NCALD: variants seen among roughly 807,000 people sequenced by gnomAD.
The protein encoded by NCALD is neurocalcin-delta.
A neutral mutation model predicts 18.6 loss-of-function variants in NCALD; 10 were observed. That is an observed-to-expected ratio of 0.54 (90% CI 0.33 to 0.91). The LOEUF (loss-of-function observed/expected upper bound fraction) is 0.91. Ranked by LOEUF, NCALD falls within the 40% of genes least tolerant of loss-of-function variation. The probability of loss-of-function intolerance (pLI) is 0.03; values close to 1 mark genes in which losing one functional copy is unlikely to be tolerated. For synonymous variants in NCALD, 88 were observed against 87.4 expected (o/e 1.01, Z -0.04); for missense variants, 184 against 247.6 (o/e 0.74, Z 1.72).
rs1049736193 is a variant in NCALD at position 101,902,326 on chromosome 8, A to G, written c.-107+13483T>C. 2.0e-4 allele frequency among the ~76,000 whole-genome samples: 30 copies of G among 151,684 alleles called. 1 individual carries two copies. Among genetic ancestry groups the G allele is most frequent in the Admixed American group, 1.8e-3 (27 of 15,248 alleles). Reference sequence around the variant, plus strand: ...TTCCTAGAAATTGGAAAAAATAATGAAGTAAGAAAAGAATGCAAAAAGGAA... The same window carrying G: ...TTCCTAGAAATTGGAAAAAATAATGGAGTAAGAAAAGAATGCAAAAAGGAA... On this transcript the variant is annotated intron_variant, in intron 3 of 6. Transcript: ENST00000311028.
At chr8:101,871,991 T>C in intron 4 of NCALD, 2 of 853,544 alleles carry the variant, frequency 2.3e-6, no homozygotes, top group Non-Finnish European at 2.0e-6. Flanking sequence ...GTCAGGTTCA[T>C]GCCGCCAAAC....
intron 2 of NCALD, among the ~76,000 whole-genome samples, chr8:101,700,788 G>A (rs1317420245): frequency 2.6e-5 from 4 of 152,158 alleles, no homozygotes; most frequent in Non-Finnish European, 2.9e-5. Context: ...TTGGCACAGA[G>A]AAACGAGAAT....
At chr8:102,075,258 G>C (rs1587024991) in intron 1 of NCALD, among the ~76,000 whole-genome samples, 1 of 152,060 alleles carries the variant, frequency 6.6e-6, no homozygotes, top group Non-Finnish European at 1.5e-5. Context: ...GTTACCAAAA[G>C]GAAATTTTTC....
intron 4 of NCALD, among the ~76,000 whole-genome samples, chr8:101,874,712 G>C (rs903060824): frequency 6.6e-6 from 1 of 152,032 alleles, no homozygotes; most frequent in Admixed American, 6.5e-5. Flanking sequence ...TTTTTTTGTA[G>C]AGACGAGGTC....
intron 1 of NCALD, among the ~76,000 whole-genome samples, chr8:102,033,204 C>T (rs186844879): frequency 2.0e-5 from 3 of 152,266 alleles, no homozygotes; most frequent in East Asian, 1.9e-4. Context: ...CTTGCAGCCA[C>T]GGAATTCTCT....
intron 2 of NCALD, among the ~76,000 whole-genome samples, chr8:101,917,315 C>T (rs1818005581): frequency 6.6e-6 from 1 of 151,950 alleles, no homozygotes; most frequent in Admixed American, 6.6e-5. Flanking sequence ...AGATTCAACA[C>T]ATCAACATCT....
chr8:101,725,956 G>C (rs1223974253), intron 1 of NCALD, among the ~76,000 whole-genome samples: 1 of 152,204 alleles, frequency 6.6e-6, no homozygotes, highest in Admixed American at 6.5e-5. Flanking sequence ...TAAGAAGCCA[G>C]GGAAAGCCCC....
chr8:101,899,667 A>G (rs1817345516), intron 3 of NCALD, among the ~76,000 whole-genome samples: 1 of 151,900 alleles, frequency 6.6e-6, no homozygotes, highest in Admixed American at 6.5e-5. Flanking sequence ...GACTGTTTAT[A>G]TAGTGAATTA....
Position 102,080,030 on chromosome 8 carries a change from AAC to A in NCALD, c.-210+44205_-210+44206del, listed in dbSNP as rs1824474677. Among the ~76,000 whole-genome samples, 2 of 152,216 alleles carry A rather than the reference AAC, an allele frequency of 1.3e-5. 1 individual carries two copies. The highest frequency in any genetic ancestry group is 4.1e-4 in the South Asian group (2 of 4,826). On this transcript the variant is annotated intron_variant, in intron 1 of 6. Coordinates refer to the NCALD transcript ENST00000311028. Reference sequence around the variant, plus strand: ...AAATAACAGGGAAGACGTGATTGCAAACACACAGCCATTTCACTGCACTTCTC... The same window carrying A: ...AAATAACAGGGAAGACGTGATTGCAAACACAGCCATTTCACTGCACTTCTC...
intron 2 of NCALD, among the ~76,000 whole-genome samples, chr8:101,918,850 T>C (rs1267851427): frequency 6.6e-6 from 1 of 151,538 alleles, no homozygotes; most frequent in Admixed American, 6.6e-5. Flanking sequence ...CCAAAAGATA[T>C]CAGAGGTGAC....
chr8:101,948,065 G>C (rs747571461), intron 2 of NCALD, among the ~76,000 whole-genome samples: 2 of 152,242 alleles, frequency 1.3e-5, no homozygotes, highest in Non-Finnish European at 2.9e-5. Flanking sequence ...GTCATTAGGA[G>C]TCCTTGAAGA....
Position 101,986,025 on chromosome 8 carries a change from TTTTCC to T in NCALD, c.-157+34207_-157+34211del, listed in dbSNP as rs936909813. Among the ~76,000 whole-genome samples the T allele has an allele frequency of 1.4e-4, 21 of 152,220 alleles. No homozygotes were observed. In the Middle Eastern group the frequency reaches 0.014, roughly 99 times the overall value. ...CTCAATCCAGTTTTCTTTCTTTCTT[TTTTCC>T]TTTCCTTTTCTTTTTTCTATTTTTT... On this transcript the variant is annotated intron_variant, in intron 2 of 6. Coordinates refer to the NCALD transcript ENST00000311028.
intron 2 of NCALD, among the ~76,000 whole-genome samples, chr8:101,930,109 T>C (rs1818517000): frequency 6.6e-6 from 1 of 152,050 alleles, no homozygotes; most frequent in African/African-American, 2.4e-5. Context: ...TAGATACAAA[T>C]ATGAGTATTT....
intron 4 of NCALD, among the ~76,000 whole-genome samples, chr8:101,801,759 C>A (rs140743423): frequency 6.9e-6 from 1 of 143,892 alleles, no homozygotes; most frequent in Non-Finnish European, 1.5e-5. Context: ...CTCCGCCTCC[C>A]GGGTTCACGC....
At chr8:102,045,377 A>G (rs2132195048) in intron 1 of NCALD, among the ~76,000 whole-genome samples, 1 of 152,336 alleles carries the variant, frequency 6.6e-6, no homozygotes, top group South Asian at 2.1e-4. Context: ...ATAGACTAGG[A>G]ATGTTATGCA....
chr8:101,887,952 C>T (rs1240482526), intron 3 of NCALD, among the ~76,000 whole-genome samples: 1 of 152,144 alleles, frequency 6.6e-6, no homozygotes, highest in Non-Finnish European at 1.5e-5. Context: ...TCAGGCTGCT[C>T]CCCTCCTGGC....
upstream of NCALD, among the ~76,000 whole-genome samples, chr8:101,795,079 A>T (rs1287150479): frequency 6.6e-6 from 1 of 152,222 alleles, no homozygotes; most frequent in African/African-American, 2.4e-5. Flanking sequence ...GAATACAACT[A>T]TGCCTAAATT....
chr8:102,102,434 C>CT (rs1311372171), intron 1 of NCALD, among the ~76,000 whole-genome samples: 3 of 152,206 alleles, frequency 2.0e-5, no homozygotes, highest in African/African-American at 4.8e-5. Context: ...TGGGGGTCCC[C>CT]TTGTTATGGC....
rs1190221663 is a variant in NCALD at position 101,907,453 on chromosome 8, CAATAA to C, written c.-107+8351_-107+8355del. On this transcript the variant is annotated intron_variant, in intron 3 of 6. Transcript: ENST00000311028. The stretch of plus-strand genomic sequence containing the variant: ...AGAGAAATAATATGTTAAATGGAGA[CAATAA>C]AATAAGAGGTTTATTAAATTTTATT... 4.9e-4 allele frequency among the ~76,000 whole-genome samples: 74 copies of C among 151,456 alleles called. 1 individual carries two copies. The highest frequency in any genetic ancestry group is 2.2e-3 in the Admixed American group (33 of 15,216).
Sources: allele counts gnomAD v4.1 joint callset (sites outside exome capture counted in the v4.1 genomes callset), GRCh38; gene constraint gnomAD v4.1.1; transcripts MANE v1.5; gene names NCBI Gene and HGNC (gene_info 2026-07-23, HGNC 2026-07-21).